Variants in WWOX observed in about 807,000 individuals in gnomAD.
The protein encoded by WWOX is WW domain containing oxidoreductase.
WWOX carries 69 observed loss-of-function variants against 46.2 expected under a neutral mutation model. The observed-to-expected ratio is 1.49, with a 90% CI of 1.23 to 1.82. WWOX has a LOEUF of 1.82. Ranked by LOEUF, WWOX falls within the 40% of genes most tolerant of loss-of-function variation. The pLI is 0.00. For synonymous variants in WWOX, 359 were observed against 202.6 expected (o/e 1.77, Z -6.56); for missense variants, 919 against 542.6 (o/e 1.69, Z -6.89).
At chr16:78,514,802 C>T (rs1597195993) in intron 8 of WWOX, among the ~76,000 whole-genome samples, 1 of 152,122 alleles carries the variant, frequency 6.6e-6, no homozygotes, top group African/African-American at 2.4e-5. Context: ...ATTTGTCTGC[C>T]TCCCTTCTCT....
At chr16:79,009,806 G>C (rs1421626723) in intron 8 of WWOX, among the ~76,000 whole-genome samples, 2 of 152,178 alleles carry the variant, frequency 1.3e-5, no homozygotes, top group Non-Finnish European at 2.9e-5. Context: ...ACATGGGAAG[G>C]AGGAGGGGGA....
At chr16:79,176,758 C>T (rs2050808096) in intron 8 of WWOX, among the ~76,000 whole-genome samples, 1 of 152,092 alleles carries the variant, frequency 6.6e-6, no homozygotes, top group Non-Finnish European at 1.5e-5. Flanking sequence ...GCTGTATTTT[C>T]TCATAATATA....
intron 8 of WWOX, among the ~76,000 whole-genome samples, chr16:79,010,892 C>T (rs1044177333): frequency 6.6e-6 from 1 of 151,888 alleles, no homozygotes; most frequent in African/African-American, 2.4e-5. Flanking sequence ...AGCGAGAGGG[C>T]AGACGGGGTC....
intron 8 of WWOX, among the ~76,000 whole-genome samples, chr16:78,566,744 A>G (rs1363826415): frequency 1.3e-5 from 2 of 152,148 alleles, no homozygotes; most frequent in African/African-American, 2.4e-5. Flanking sequence ...TCCTCCTAGA[A>G]TTCCTGCCAG....
intron 5 of WWOX, among the ~76,000 whole-genome samples, chr16:78,277,582 A>G (rs1026519599): frequency 4.6e-5 from 7 of 152,170 alleles, no homozygotes; most frequent in African/African-American, 7.2e-5. Flanking sequence ...ACCTGGCCCA[A>G]TCTGCTTCAG....
chr16:78,301,025 C>T (rs1484948561), intron 5 of WWOX, among the ~76,000 whole-genome samples: 1 of 151,988 alleles, frequency 6.6e-6, no homozygotes, highest in African/African-American at 2.4e-5. Context: ...TCCATGCATC[C>T]ATCCATCCAT....
intron 8 of WWOX, among the ~76,000 whole-genome samples, chr16:78,457,916 A>AAAAAAAAG (rs2083859852): frequency 6.6e-6 from 1 of 150,886 alleles, no homozygotes; most frequent in Non-Finnish European, 1.5e-5. Context: ...ACTCAAAAAA[A>AAAAAAAAG]AAAAAAAAAA....
At chr16:78,614,437 C>G (rs898997927) in intron 8 of WWOX, among the ~76,000 whole-genome samples, 1 of 152,240 alleles carries the variant, frequency 6.6e-6, no homozygotes, top group Non-Finnish European at 1.5e-5. Context: ...TGAGGTATCT[C>G]CTATACTCTG....
intron 5 of WWOX, among the ~76,000 whole-genome samples, chr16:78,203,743 C>T (rs2036306184): frequency 6.6e-6 from 1 of 152,100 alleles, no homozygotes; most frequent in Non-Finnish European, 1.5e-5. Flanking sequence ...TAATGAGGCT[C>T]AATGTTCAAG....
intron 5 of WWOX, among the ~76,000 whole-genome samples, chr16:78,334,954 G>A (rs564758442): frequency 3.4e-4 from 51 of 150,174 alleles, no homozygotes; most frequent in Middle Eastern, 3.5e-3. Context: ...CAAAATGTGA[G>A]ATGGGCGTTT....
At chr16:79,137,447 A>C (rs1482408008) in intron 8 of WWOX, among the ~76,000 whole-genome samples, 5 of 152,324 alleles carry the variant, frequency 3.3e-5, no homozygotes, top group Admixed American at 1.3e-4. Flanking sequence ...TCACTTATGA[A>C]TGTTCTAAAA....
At chr16:78,373,949 G>A (rs1255823342) in intron 5 of WWOX, among the ~76,000 whole-genome samples, 2 of 152,178 alleles carry the variant, frequency 1.3e-5, no homozygotes, top group East Asian at 3.9e-4. Flanking sequence ...ACCAGGCCCG[G>A]CCAATTTTTG....
intron 8 of WWOX, among the ~76,000 whole-genome samples, chr16:78,686,265 A>G (rs1283589506): frequency 6.6e-6 from 1 of 152,020 alleles, no homozygotes; most frequent in African/African-American, 2.4e-5. Flanking sequence ...TAATCCCAGG[A>G]CTTTGGGAGG....
At chr16:78,283,457 C>G (rs1048779528) in intron 5 of WWOX, among the ~76,000 whole-genome samples, 5 of 152,112 alleles carry the variant, frequency 3.3e-5, no homozygotes, top group African/African-American at 1.2e-4. Context: ...TAGTGAAACT[C>G]AAGGCTTTTC....
chr16:78,239,398 A>G (rs1196170037), intron 5 of WWOX, among the ~76,000 whole-genome samples: 1 of 152,066 alleles, frequency 6.6e-6, no homozygotes, highest in Non-Finnish European at 1.5e-5. Flanking sequence ...CCTGATGGAG[A>G]ACTGGGTCCA....
In WWOX at chr16:78,788,309, A is replaced by G. The variant is rs561507700; in HGVS notation, c.1056+355557A>G. Among the ~76,000 whole-genome samples the G allele has an allele frequency of 5.9e-5, 9 of 151,520 alleles. No individual in the cohort carries two copies. The South Asian group carries it at 6.2e-4, about 10-fold the overall frequency. On this transcript the variant is annotated intron_variant, in intron 8 of 8. Transcript: ENST00000566780. ...ACTCTCATAGCCCTTGTTGCAGTCTATTGTTACAATATTGCCTGTGTTAGG... is the reference window on the plus strand; with the variant it reads ...ACTCTCATAGCCCTTGTTGCAGTCTGTTGTTACAATATTGCCTGTGTTAGG...
chr16:78,838,838 A>G (rs942673930), intron 8 of WWOX, among the ~76,000 whole-genome samples: 5 of 152,188 alleles, frequency 3.3e-5, no homozygotes, highest in African/African-American at 7.2e-5. Flanking sequence ...GTGGTACTCC[A>G]TCTCAAAAGA....
At chr16:78,636,244 G>A (rs1426325687) in intron 8 of WWOX, among the ~76,000 whole-genome samples, 2 of 152,138 alleles carry the variant, frequency 1.3e-5, no homozygotes, top group African/African-American at 2.4e-5. Context: ...AAATGCAAGG[G>A]GAGGGAGCTA....
At chr16:79,174,081 C>G (rs936199679) in intron 8 of WWOX, among the ~76,000 whole-genome samples, 1 of 152,094 alleles carries the variant, frequency 6.6e-6, no homozygotes, top group Non-Finnish European at 1.5e-5. Flanking sequence ...GTTTATTTGA[C>G]CTTGATCTTG....
Sources: allele counts gnomAD v4.1 joint callset (sites outside exome capture counted in the v4.1 genomes callset), GRCh38; gene constraint gnomAD v4.1.1; transcripts MANE v1.5; gene names NCBI Gene and HGNC (gene_info 2026-07-23, HGNC 2026-07-21).